Variants in LZIC observed in about 807,000 individuals in gnomAD.
LZIC encodes the protein leucine zipper and CTNNBIP1 domain containing.
A neutral mutation model predicts 25.4 loss-of-function variants in LZIC; 28 were observed. The observed-to-expected ratio is 1.10, with a 90% CI of 0.82 to 1.51. The LOEUF is 1.51. LZIC is among the 40% of genes most tolerant of loss of function. The pLI, the probability that LZIC is intolerant of heterozygous loss-of-function variation, is 0.00. For synonymous variants in LZIC, 65 were observed against 70.7 expected (o/e 0.92, Z 0.40); for missense variants, 170 against 211.1 (o/e 0.81, Z 1.21).
At chr1:9,936,294 G>A (rs186910129) in intron 3 of LZIC, among the ~76,000 whole-genome samples, 5 of 152,302 alleles carry the variant, frequency 3.3e-5, no homozygotes, top group Admixed American at 3.3e-4. Flanking sequence ...AGGAAGGTAA[G>A]TATTTTGCTC....
downstream of LZIC, among the ~76,000 whole-genome samples, chr1:9,923,307 C>T (rs1273070845): frequency 6.6e-6 from 1 of 152,146 alleles, no homozygotes; most frequent in Non-Finnish European, 1.5e-5. Flanking sequence ...CTCCCAGGAT[C>T]AAGTGATTCT....
At chr1:9,934,693 G>T in intron 5 of LZIC, 69 bp downstream of exon 5, 1 of 1,336,322 alleles carries the variant, frequency 7.5e-7, no homozygotes, top group Non-Finnish European at 1.1e-6. Context: ...TAAGCCATAG[G>T]ATATCATAAT....
downstream of LZIC, among the ~76,000 whole-genome samples, chr1:9,922,953 C>T (rs1000241993): frequency 6.6e-6 from 1 of 152,194 alleles, no homozygotes; most frequent in Non-Finnish European, 1.5e-5. Context: ...CACATACATT[C>T]CCACCAACTC....
At chr1:9,941,984 T>G (rs1353929782) in intron 2 of LZIC, among the ~76,000 whole-genome samples, 1 of 152,156 alleles carries the variant, frequency 6.6e-6, no homozygotes, top group Non-Finnish European at 1.5e-5. Flanking sequence ...TGGCGCGATC[T>G]CGGCTCACTG....
rs184665820 is a variant in LZIC, at chr1:9,941,640, C to T, written c.-9+984G>A. On this transcript the variant is annotated intron_variant, in intron 2 of 7. Coordinates refer to ENST00000377223, the MANE Select transcript of LZIC (RefSeq NM_032368.5). ...TCGGCCTCCCAAGTAGCTGGGATTACAGGCACGCACTACCACGCCCAGCTA... is the reference window on the plus strand; with the variant it reads ...TCGGCCTCCCAAGTAGCTGGGATTATAGGCACGCACTACCACGCCCAGCTA... Among the ~76,000 whole-genome samples the T allele has an allele frequency of 2.8e-4, 42 of 151,686 alleles. 1 individual carries two copies. In the East Asian group the frequency reaches 7.8e-3, roughly 28 times the overall value.
chr1:9,942,168 C>T (rs1228417499), intron 2 of LZIC, among the ~76,000 whole-genome samples: 2 of 152,130 alleles, frequency 1.3e-5, no homozygotes, highest in African/African-American at 4.8e-5. Flanking sequence ...CCACTTGCCT[C>T]AGTCTCCCAA....
intron 5 of LZIC, among the ~76,000 whole-genome samples, chr1:9,934,054 C>G (rs1282422311): frequency 2.6e-5 from 4 of 151,892 alleles, no homozygotes; most frequent in Non-Finnish European, 5.9e-5. Flanking sequence ...TGGTAAACCC[C>G]ATTTCTACTA....
intron 2 of LZIC, among the ~76,000 whole-genome samples, chr1:9,939,465 C>G (rs1380091545): frequency 6.7e-6 from 1 of 148,478 alleles, no homozygotes; most frequent in Admixed American, 6.9e-5. Flanking sequence ...ACTGCAACCT[C>G]CACATCCTGG....
intron 1 of LZIC, 144 bp from the exon 2 acceptor site, chr1:9,942,926 TTC>T (rs886618151): frequency 2.8e-6 from 1 of 354,522 alleles, no homozygotes; most frequent in African/African-American, 2.1e-5. Context: ...ACCGCAGCCT[TTC>T]TGAGTTTCTT....
Position 9,931,974 on chromosome 1 carries a change from TAAACAAAATG to T in LZIC, c.433-12_433-3del. 1 of 1,610,924 alleles carries T rather than the reference TAAACAAAATG, an allele frequency of 6.2e-7. No individual in the cohort carries two copies. Among genetic ancestry groups the T allele is most frequent in the Non-Finnish European group, 8.5e-7 (1 of 1,178,242 alleles). On this transcript the variant is annotated splice_polypyrimidine_tract_variant and splice_region_variant and intron_variant, in intron 6 of 7. Transcript: ENST00000377223. ...GAAGGCCTCATCATCTGCAGTCAGC[TAAACAAAATG>T]AAACAAAGTCCAGTTGAGTGGGTAA...
chr1:9,922,945 C>G (rs146187496), downstream of LZIC, among the ~76,000 whole-genome samples: 547 of 152,326 alleles, frequency 3.6e-3, 6 homozygotes, highest in African/African-American at 0.012. Context: ...TACTATAACA[C>G]ATACATTCCC....
intron 2 of LZIC, among the ~76,000 whole-genome samples, chr1:9,939,473 T>C (rs1640605014): frequency 2.7e-5 from 4 of 145,456 alleles, no homozygotes; most frequent in African/African-American, 1.0e-4. Context: ...CTCCACATCC[T>C]GGGCTCAAGT....
rs1292363623 is a variant in LZIC, at chr1:9,926,369, T to C, written c.*4030A>G. Among the ~76,000 whole-genome samples the C allele has an allele frequency of 1.3e-5, 2 of 152,206 alleles. No individual in the cohort carries two copies. The highest frequency in any genetic ancestry group is 6.5e-5 in the Admixed American group (1 of 15,274). On this transcript the variant is annotated 3_prime_UTR_variant, in exon 8 of 8. Transcript: ENST00000377223. ...TAATTTCAGATTATCCATCATTCAC[T>C]GTAATAAGATACCATTTCAGTGGTG...
At chr1:9,939,373 CTTTT>C (rs371491173) in intron 2 of LZIC, among the ~76,000 whole-genome samples, 1 of 133,414 alleles carries the variant, frequency 7.5e-6, no homozygotes, top group Non-Finnish European at 1.6e-5. Flanking sequence ...TTTTTTTTTT[CTTTT>C]TTTTTTGACA....
At chr1:9,941,211 T>C in intron 2 of LZIC, among the ~76,000 whole-genome samples, 1 of 152,152 alleles carries the variant, frequency 6.6e-6, no homozygotes, top group East Asian at 1.9e-4. Context: ...CTCTTTCTTT[T>C]TTTTTTGATG....
chr1:9,922,430 T>C (rs1483768746), downstream of LZIC: 1 of 555,350 alleles, frequency 1.8e-6, no homozygotes, highest in East Asian at 1.5e-4. Flanking sequence ...TTCAAAGGCT[T>C]TGGCAATATC....
chr1:9,932,990 G>A (rs1640292921), intron 5 of LZIC, 92 bp from the exon 6 acceptor site: 4 of 826,092 alleles, frequency 4.8e-6, no homozygotes, highest in South Asian at 1.5e-5. Context: ...AGTGGCTCAC[G>A]CCTATAATCT....
intron 2 of LZIC, among the ~76,000 whole-genome samples, chr1:9,937,628 C>A (rs1275847952): frequency 6.6e-6 from 1 of 151,678 alleles, no homozygotes; most frequent in Non-Finnish European, 1.5e-5. Flanking sequence ...GGGAGGATTG[C>A]TTGAGCCCAG....
Position 9,929,361 on chromosome 1 carries a change from T to C in LZIC, c.*1038A>G, listed in dbSNP as rs1258137375. On this transcript the variant is annotated 3_prime_UTR_variant, in exon 8 of 8. Transcript: ENST00000377223. ...AGCACATGAAAGAATATAAAATGGC[T>C]AGAGCCTAAAAAATAAGCTAATATA... 3 of 984,902 alleles carry C rather than the reference T, an allele frequency of 3.0e-6. No individual in the cohort carries two copies. The highest frequency in any genetic ancestry group is 6.2e-5 in the Admixed American group (1 of 16,248). The allele number at this position is 984,902 out of a possible 1,614,324, so 61.0% of individuals were successfully genotyped here. A position where few individuals can be genotyped will look rare whatever the true frequency, so the allele number is the denominator to read the frequency against.
Sources: allele counts gnomAD v4.1 joint callset (sites outside exome capture counted in the v4.1 genomes callset), GRCh38; gene constraint gnomAD v4.1.1; transcripts MANE v1.5; gene names NCBI Gene and HGNC (gene_info 2026-07-23, HGNC 2026-07-21).